EFR3B: variants seen among roughly 807,000 people sequenced by gnomAD.
The protein encoded by EFR3B is protein EFR3 homolog B.
Under a neutral mutation model 104.7 loss-of-function variants are expected in EFR3B, and 64 were observed. That is an observed-to-expected ratio of 0.61 (90% CI 0.50 to 0.75). The LOEUF is 0.75. Among genes scored for constraint, EFR3B ranks in the 30% least tolerant of loss-of-function variants. EFR3B has a pLI of 0.00. For synonymous variants in EFR3B, 385 were observed against 417.9 expected, an observed-to-expected ratio of 0.92 and a Z score of 0.96; for missense variants, 750 against 1,078.5, an observed-to-expected ratio of 0.70 and a Z score of 4.27.
At chr2:25,050,742 A>G (rs889854195) in intron 1 of EFR3B, among the ~76,000 whole-genome samples, 3 of 152,212 alleles carry the variant, frequency 2.0e-5, no homozygotes, top group Admixed American at 2.0e-4. Context: ...TTCCATTTTG[A>G]GCTTACTGTA....
At chr2:25,044,409 C>T (rs569419936) in intron 1 of EFR3B, among the ~76,000 whole-genome samples, 23 of 152,210 alleles carry the variant, frequency 1.5e-4, no homozygotes, top group African/African-American at 5.3e-4. Context: ...CACCAGAAGT[C>T]AATAGAGTGA....
intron 1 of EFR3B, among the ~76,000 whole-genome samples, chr2:25,043,185 T>A (rs1667620669): frequency 6.6e-6 from 1 of 151,962 alleles, no homozygotes. Flanking sequence ...GGGCTGTGCG[T>A]GTGTGTGTGA....
At chr2:25,076,188 T>TG (rs1287337080) in intron 1 of EFR3B, among the ~76,000 whole-genome samples, 3 of 152,168 alleles carry the variant, frequency 2.0e-5, no homozygotes, top group African/African-American at 7.2e-5. Flanking sequence ...CCACCATGCT[T>TG]GGCCTTGGAT....
intron 1 of EFR3B, among the ~76,000 whole-genome samples, chr2:25,062,737 G>T (rs550966667): frequency 5.9e-5 from 9 of 152,328 alleles, no homozygotes; most frequent in Middle Eastern, 3.4e-3. Context: ...GCAGGGCAGT[G>T]GGGGGAGGCC....
At chr2:25,133,246 G>A (rs781204211) in intron 11 of EFR3B, 137 bp from the exon 12 acceptor site, 1 of 1,014,478 alleles carries the variant, frequency 9.9e-7, no homozygotes, top group Non-Finnish European at 1.5e-6. Flanking sequence ...CGGCTTCCTG[G>A]GTCCGGAAGT....
intron 1 of EFR3B, among the ~76,000 whole-genome samples, chr2:25,082,324 G>C (rs567574259): frequency 6.6e-6 from 1 of 152,340 alleles, no homozygotes; most frequent in South Asian, 2.1e-4. Flanking sequence ...GGACAAGGCA[G>C]GCTAGAGGCC....
At position 25,154,229 on chromosome 2, in the gene EFR3B, C is replaced by T. The variant is rs1671098602; in HGVS notation, c.2349-6C>T. ...GCCTTTCTCCCCATGTGTTCCTGCC[C>T]CCTAGGCCCCCACCAAGCCCATCAG... On this transcript the variant is annotated splice_polypyrimidine_tract_variant and splice_region_variant and intron_variant, in intron 22 of 22. Coordinates refer to ENST00000403714, the MANE Select transcript of EFR3B (RefSeq NM_014971.2). The surrounding 1 kb of genome is among the most constrained non-coding windows in gnomAD (Gnocchi z 4.1). The T allele has an allele frequency of 6.4e-7, 1 of 1,551,606 alleles. No individual in the cohort carries two copies. The highest frequency in any genetic ancestry group is 2.0e-5 in the Admixed American group (1 of 50,992).
intron 1 of EFR3B, among the ~76,000 whole-genome samples, chr2:25,073,232 C>T (rs1372999996): frequency 6.6e-6 from 1 of 152,170 alleles, no homozygotes; most frequent in Non-Finnish European, 1.5e-5. Context: ...GACAAAGAAA[C>T]CCACAGAGGG....
chr2:25,055,367 C>T (rs1033367678), intron 1 of EFR3B, among the ~76,000 whole-genome samples: 3 of 152,232 alleles, frequency 2.0e-5, no homozygotes, highest in Non-Finnish European at 2.9e-5. Context: ...GAGTCCCTCA[C>T]TGGGGACCCA....
rs374994391 is a variant in EFR3B, at chr2:25,131,879, G to A, written c.1115G>A (p.Arg372His). 303 of 1,544,106 alleles carry A rather than the reference G, an allele frequency of 2.0e-4. 1 individual carries two copies. In the African/African-American group the frequency reaches 3.9e-3, roughly 20 times the overall value. The change falls in exon 10 of 23, where the codon CGC becomes CAC. Residue 372 changes from arginine (R) to histidine (H), a missense_variant. Physicochemically the swap from Arg to His is conservative, Grantham distance 29 (BLOSUM62 0). Coordinates refer to ENST00000403714, the MANE Select transcript of EFR3B (RefSeq NM_014971.2). This position sits in a 1 kb window ranked among gnomAD's most constrained non-coding sequence, Gnocchi z 7.6. Reference sequence around the variant, plus strand: ...AAGATCATCAAGGAGCACGAGGAGCGCATGTTCCAGGAGGCCGTCATCAAG... The same window carrying A: ...AAGATCATCAAGGAGCACGAGGAGCACATGTTCCAGGAGGCCGTCATCAAG... ...GTKIIKEHEE[R>H]MFQEAVIKTV...
intron 1 of EFR3B, among the ~76,000 whole-genome samples, chr2:25,055,923 T>G (rs551383416): frequency 6.6e-6 from 1 of 152,224 alleles, no homozygotes; most frequent in Non-Finnish European, 1.5e-5. Context: ...TCTGTGAACC[T>G]CTTGAGGACA....
At chr2:25,068,920 C>T (rs1184179776) in intron 1 of EFR3B, among the ~76,000 whole-genome samples, 13 of 146,756 alleles carry the variant, frequency 8.9e-5, no homozygotes, top group African/African-American at 2.3e-4. Context: ...TGAGCCACCG[C>T]GCCCGGCATC....
intron 6 of EFR3B, among the ~76,000 whole-genome samples, chr2:25,128,596 T>C (rs1355624725): frequency 6.6e-6 from 1 of 152,036 alleles, no homozygotes; most frequent in African/African-American, 2.4e-5. Context: ...AATCTGTTGG[T>C]AATAACACAC....
chr2:25,141,515 C>G (rs751266770), intron 17 of EFR3B, 82 bp downstream of exon 17: 3 of 1,438,008 alleles, frequency 2.1e-6, no homozygotes, highest in Non-Finnish European at 2.8e-6. Flanking sequence ...CAGGAGGGGT[C>G]AATGCCAGGA....
At chr2:25,119,838 A>T (rs1334702016) in intron 4 of EFR3B, among the ~76,000 whole-genome samples, 1 of 152,202 alleles carries the variant, frequency 6.6e-6, no homozygotes, top group Non-Finnish European at 1.5e-5. Flanking sequence ...AAAAGTTATT[A>T]ACAACTTTTA....
chr2:25,104,612 A>G (rs551157728), intron 4 of EFR3B, among the ~76,000 whole-genome samples: 1 of 152,330 alleles, frequency 6.6e-6, no homozygotes, highest in East Asian at 1.9e-4. Context: ...CTATGGGGGC[A>G]TATCTTGAAA....
At chr2:25,120,891 ATTGTTTTTGTTTGTTT>A (rs1669994354) in intron 4 of EFR3B, among the ~76,000 whole-genome samples, 2 of 152,010 alleles carry the variant, frequency 1.3e-5, no homozygotes, top group South Asian at 4.2e-4. Flanking sequence ...TGTTGTTATC[ATTGTTTTTGTTTGTTT>A]TTGTTTTTGT....
At chr2:25,113,078 G>A (rs757484755) in intron 4 of EFR3B, among the ~76,000 whole-genome samples, 4 of 152,152 alleles carry the variant, frequency 2.6e-5, no homozygotes, top group Non-Finnish European at 4.4e-5. Flanking sequence ...ACTCCAGCAA[G>A]CTTGGTGCCC....
chr2:25,094,305 A>G (rs1286037453), intron 3 of EFR3B, among the ~76,000 whole-genome samples: 1 of 150,956 alleles, frequency 6.6e-6, no homozygotes, highest in Non-Finnish European at 1.5e-5. Flanking sequence ...AAAAAAAGAA[A>G]AAAGAAACAC....
Sources: gnomAD v4.1 joint callset for allele counts (sites outside exome capture counted in the v4.1 genomes callset) on GRCh38, gnomAD v4.1.1 for gene constraint, Gnocchi (gnomAD v3.1) non-coding constraint, MANE v1.5 for transcripts, NCBI Gene and HGNC (gene_info 2026-07-23, HGNC 2026-07-21) for gene names.